The following GRIP1 variants were observed in gnomAD, a reference collection of about 807,000 sequenced individuals.
GRIP1 encodes the protein glutamate receptor-interacting protein 1.
Under a neutral mutation model 129.9 loss-of-function variants are expected in GRIP1, and 45 were observed. The observed-to-expected ratio is 0.35, with a 90% CI of 0.27 to 0.44. GRIP1 has a LOEUF of 0.44. Ranked by LOEUF, GRIP1 falls within the 20% of genes least tolerant of loss-of-function variation. GRIP1 has a pLI of 1.00. For synonymous variants in GRIP1, 530 were observed against 520.8 expected (o/e 1.02, Z -0.24); for missense variants, 1,196 against 1,396.8 (o/e 0.86, Z 2.29).
intron 1 of GRIP1, among the ~76,000 whole-genome samples, chr12:66,602,158 T>C (rs1346336207): frequency 2.0e-5 from 3 of 152,168 alleles, no homozygotes; most frequent in Non-Finnish European, 4.4e-5. Context: ...CCATAATCTT[T>C]TCAGTAACTG....
intron 12 of GRIP1, 34 bp downstream of exon 12, chr12:66,445,288 G>A (rs201946868): frequency 4.8e-5 from 75 of 1,569,084 alleles, no homozygotes; most frequent in Admixed American, 2.8e-4. Context: ...GAAACGCAGA[G>A]CAGAAAATGA....
chr12:66,997,573 C>G (rs539969516), intron 1 of GRIP1, among the ~76,000 whole-genome samples: 1 of 152,026 alleles, frequency 6.6e-6, no homozygotes, highest in African/African-American at 2.4e-5. Context: ...AAAACACCCA[C>G]AAGAAAAAAT....
At chr12:66,841,739 T>C (rs958858885) in intron 1 of GRIP1, among the ~76,000 whole-genome samples, 1 of 152,104 alleles carries the variant, frequency 6.6e-6, no homozygotes, top group Non-Finnish European at 1.5e-5. Context: ...CCACCAGAAA[T>C]TGAGGAGCCA....
intron 7 of GRIP1, among the ~76,000 whole-genome samples, chr12:66,480,088 G>T (rs2059756118): frequency 6.6e-6 from 1 of 152,116 alleles, no homozygotes; most frequent in South Asian, 2.1e-4. Context: ...GGAAGAGAAA[G>T]AAATAACGGG....
At chr12:66,982,206 A>G (rs2042249822) in intron 1 of GRIP1, among the ~76,000 whole-genome samples, 1 of 152,212 alleles carries the variant, frequency 6.6e-6, no homozygotes, top group Non-Finnish European at 1.5e-5. Context: ...TGTACTCTGC[A>G]TTCACTCTCT....
chr12:66,973,082 C>T (rs773516031), intron 1 of GRIP1, among the ~76,000 whole-genome samples: 8 of 152,178 alleles, frequency 5.3e-5, no homozygotes, highest in Non-Finnish European at 1.0e-4. Flanking sequence ...TCAACACCAC[C>T]TGTGTATTTT....
In GRIP1 at chr12:66,358,844, A is replaced by C. The variant is rs1592682589; in HGVS notation, c.3013-5281T>G. ...TGAGAGAAGGGAAAAAATGAGAAGG[A>C]GGCTAGTAGTTATTAGAATTGGTAA... On this transcript the variant is annotated intron_variant, in intron 23 of 24. Transcript: ENST00000359742. 3.9e-5 allele frequency among the ~76,000 whole-genome samples: 6 copies of C among 152,324 alleles called. No individual in the cohort carries two copies. In the South Asian group the frequency reaches 1.2e-3, roughly 32 times the overall value.
At chr12:66,531,137 A>T (rs895066322) in intron 4 of GRIP1, among the ~76,000 whole-genome samples, 1 of 151,106 alleles carries the variant, frequency 6.6e-6, no homozygotes, top group African/African-American at 2.4e-5. Flanking sequence ...TTGGAGGCTG[A>T]GGCAGGAGAA....
At chr12:66,476,597 T>A (rs561035194) in intron 7 of GRIP1, among the ~76,000 whole-genome samples, 1 of 152,058 alleles carries the variant, frequency 6.6e-6, no homozygotes, top group East Asian at 1.9e-4. Context: ...TAGACCAATA[T>A]CCCTGATGAA....
chr12:66,365,392 G>A (rs143013380), intron 23 of GRIP1, among the ~76,000 whole-genome samples: 136 of 152,302 alleles, frequency 8.9e-4, no homozygotes, highest in African/African-American at 2.9e-3. Flanking sequence ...AGCCAAGATC[G>A]TGCCACTGCA....
intron 2 of GRIP1, among the ~76,000 whole-genome samples, chr12:66,577,338 AAGT>A (rs2063173760): frequency 6.6e-6 from 1 of 152,214 alleles, no homozygotes; most frequent in African/African-American, 2.4e-5. Flanking sequence ...GTAAGACAGT[AAGT>A]TTCCTGTGTC....
intron 7 of GRIP1, among the ~76,000 whole-genome samples, chr12:66,509,750 G>C (rs992769339): frequency 6.6e-6 from 1 of 152,098 alleles, no homozygotes; most frequent in Admixed American, 6.6e-5. Flanking sequence ...TGAATGATGA[G>C]AACACATGGA....
At chr12:66,384,801 G>A (rs1057284845) in intron 19 of GRIP1, among the ~76,000 whole-genome samples, 2 of 152,288 alleles carry the variant, frequency 1.3e-5, no homozygotes, top group Middle Eastern at 6.8e-3. Context: ...GACACCATGG[G>A]AAAAATAAAT....
intron 24 of GRIP1, among the ~76,000 whole-genome samples, chr12:66,351,691 A>T (rs2054232975): frequency 6.6e-6 from 1 of 151,790 alleles, no homozygotes; most frequent in African/African-American, 2.4e-5. Context: ...CTGCTGTTCG[A>T]TATAGGAGGG....
At chr12:67,048,389 T>C (rs2043288046) in intron 1 of GRIP1, among the ~76,000 whole-genome samples, 1 of 152,242 alleles carries the variant, frequency 6.6e-6, no homozygotes, top group Non-Finnish European at 1.5e-5. Flanking sequence ...TAGTACACGT[T>C]TGCAAATTTT....
intron 1 of GRIP1, among the ~76,000 whole-genome samples, chr12:66,640,643 C>T (rs747876303): frequency 8.5e-5 from 13 of 152,078 alleles, no homozygotes; most frequent in Non-Finnish European, 1.8e-4. Flanking sequence ...AGAAGAACAA[C>T]TCTCACATCC....
chr12:66,647,401 C>T (rs548889895), intron 1 of GRIP1: 1 of 152,266 alleles, frequency 6.6e-6, no homozygotes, highest in South Asian at 2.1e-4. Flanking sequence ...ATAAATTTTG[C>T]ATCTGTGGAA....
At chr12:66,515,495 G>A (rs574723320) in intron 7 of GRIP1, 124 bp downstream of exon 7, 1 of 891,768 alleles carries the variant, frequency 1.1e-6, no homozygotes, top group East Asian at 2.4e-5. Context: ...AAATGATATA[G>A]TATTTATGAA....
At chr12:66,558,628 T>C (rs1348674310) in intron 2 of GRIP1, among the ~76,000 whole-genome samples, 1 of 152,138 alleles carries the variant, frequency 6.6e-6, no homozygotes, top group African/African-American at 2.4e-5. Flanking sequence ...TGAGCCATGC[T>C]GAAATCCAAA....
Sources: allele counts gnomAD v4.1 joint callset (sites outside exome capture counted in the v4.1 genomes callset), GRCh38; gene constraint gnomAD v4.1.1; transcripts MANE v1.5; gene names NCBI Gene and HGNC (gene_info 2026-07-23, HGNC 2026-07-21).